PIK3C3: variants seen among roughly 807,000 people sequenced by gnomAD.
PIK3C3 encodes the protein PI3-kinase type 3.
In PIK3C3, 95 loss-of-function variants were observed where a neutral mutation model predicts 126.1. The ratio of observed to expected loss-of-function variants is 0.75; its 90% CI spans 0.64 to 0.89. The LOEUF is 0.89. PIK3C3 is among the 40% of genes least tolerant of loss of function. The probability of loss-of-function intolerance (pLI) is 0.00; values close to 1 mark genes in which losing one functional copy is unlikely to be tolerated. For synonymous variants in PIK3C3, 374 were observed against 360.0 expected (o/e 1.04, Z -0.44); for missense variants, 829 against 1,063.2 (o/e 0.78, Z 3.06).
At chr18:42,033,473 G>GTT (rs780458805) in intron 15 of PIK3C3, among the ~76,000 whole-genome samples, 3 of 152,172 alleles carry the variant, frequency 2.0e-5, no homozygotes, top group Non-Finnish European at 4.4e-5. Context: ...GGAAATTTCA[G>GTT]TTTCTCTCTG....
At chr18:41,968,267 G>A (rs972661866) in intron 3 of PIK3C3, among the ~76,000 whole-genome samples, 1 of 152,156 alleles carries the variant, frequency 6.6e-6, no homozygotes, top group Admixed American at 6.5e-5. Context: ...ATTTCTGAAG[G>A]TACATTTAAG....
rs752953552 is a variant in PIK3C3, at chr18:42,037,779, C to T, written c.1927C>T (p.Gln643Ter). Residue 643 changes from glutamine to a stop codon, truncating the protein, a stop_gained, in exon 17 of 25, where the codon CAA (glutamine) becomes TAA (stop). Transcript: ENST00000262039. LOFTEE classifies it high-confidence loss of function. ...ATTTAAGCATGGAGATGATTTACGT[C>T]AAGATCAACTTATTCTTCAAATCAT... ...VIFKHGDDLR[Q>*]DQLILQIISL... 39 of 1,612,020 alleles carry T rather than the reference C, an allele frequency of 2.4e-5. No homozygotes were observed. Among genetic ancestry groups the T allele is most frequent in the Non-Finnish European group, 3.3e-5 (39 of 1,178,516 alleles).
At chr18:41,990,900 T>C (rs1485696930) in intron 6 of PIK3C3, among the ~76,000 whole-genome samples, 1 of 152,212 alleles carries the variant, frequency 6.6e-6, no homozygotes, top group Non-Finnish European at 1.5e-5. Context: ...ATTATATTTC[T>C]AAGTGGTAGG....
intron 21 of PIK3C3, chr18:42,051,186 G>A (rs1445106030): frequency 6.6e-6 from 1 of 152,204 alleles, no homozygotes; most frequent in African/African-American, 2.4e-5. Context: ...CAGGATGCAA[G>A]TTCCATGAGA....
intron 24 of PIK3C3, among the ~76,000 whole-genome samples, chr18:42,067,979 C>G (rs1253741920): frequency 6.6e-6 from 1 of 152,190 alleles, no homozygotes; most frequent in African/African-American, 2.4e-5. Flanking sequence ...TGGTAAACTT[C>G]AGATTTAAAA....
chr18:42,054,130 A>ATCTATATCTATATATATATC (rs56211042), intron 21 of PIK3C3, among the ~76,000 whole-genome samples: 18 of 8,930 alleles, frequency 2.0e-3, no homozygotes, highest in East Asian at 5.2e-3. Flanking sequence ...CTAATGGTAT[A>ATCTATATCTATATATATATC]TATATATATA....
At chr18:41,996,826 A>C (rs1982048690) in intron 9 of PIK3C3, 96 bp downstream of exon 9, 1 of 684,990 alleles carries the variant, frequency 1.5e-6, no homozygotes, top group Non-Finnish European at 2.5e-6. Context: ...TGTTATTGTC[A>C]CTTTAAAGAA....
chr18:42,055,607 G>T (rs1001545160), intron 21 of PIK3C3, among the ~76,000 whole-genome samples: 1 of 152,138 alleles, frequency 6.6e-6, no homozygotes, highest in African/African-American at 2.4e-5. Context: ...ATTGAAGAGT[G>T]GGAAACTCAC....
At position 41,970,848 on chromosome 18, in the gene PIK3C3, C is replaced by G. The variant is rs528569946; in HGVS notation, c.531+392C>G. The G allele has an allele frequency of 4.0e-4, 100 of 248,524 alleles. 1 individual carries two copies. In the South Asian group the frequency reaches 8.4e-3, roughly 21 times the overall value. The allele number at this position is 248,524 out of a possible 1,614,324, so 15.4% of individuals were successfully genotyped here. A position where few individuals can be genotyped will look rare whatever the true frequency, so the allele number is the denominator to read the frequency against. ...ATAAATGGAATCATTCAGTATGTGA[C>G]CTTATGTCTGGAAATCTGTCAGGTT... is the stretch of plus-strand genomic sequence containing the variant. On this transcript the variant is annotated intron_variant, in intron 4 of 24. Transcript: ENST00000262039.
intron 24 of PIK3C3, among the ~76,000 whole-genome samples, chr18:42,072,747 G>A (rs1985828138): frequency 6.6e-6 from 1 of 152,098 alleles, no homozygotes; most frequent in Non-Finnish European, 1.5e-5. Context: ...TGTTGCCCAA[G>A]CGGTTCTCAA....
chr18:41,995,321 C>A (rs1981974340), intron 7 of PIK3C3, among the ~76,000 whole-genome samples: 1 of 151,980 alleles, frequency 6.6e-6, no homozygotes, highest in African/African-American at 2.4e-5. Context: ...ATGACATAGA[C>A]AATTCACACA....
intron 4 of PIK3C3, among the ~76,000 whole-genome samples, chr18:41,981,629 A>G (rs1981203568): frequency 6.6e-6 from 1 of 152,080 alleles, no homozygotes; most frequent in Non-Finnish European, 1.5e-5. Flanking sequence ...CAAATAAATT[A>G]TTTTATACAA....
At chr18:41,987,749 A>G (rs943444233) in intron 4 of PIK3C3, 63 bp from the exon 5 acceptor site, 12 of 1,043,966 alleles carry the variant, frequency 1.1e-5, no homozygotes, top group Non-Finnish European at 1.8e-5. Context: ...CCATTCTGAC[A>G]TTTTTGGTCC....
chr18:41,994,874 C>G (rs1267903452), intron 7 of PIK3C3, among the ~76,000 whole-genome samples: 1 of 151,784 alleles, frequency 6.6e-6, no homozygotes, highest in Non-Finnish European at 1.5e-5. Flanking sequence ...CCCATCTCTA[C>G]AAAAAAATAA....
chr18:42,018,927 AG>A (rs1983197803), intron 12 of PIK3C3, among the ~76,000 whole-genome samples: 1 of 152,120 alleles, frequency 6.6e-6, no homozygotes, highest in Non-Finnish European at 1.5e-5. Context: ...ACCTCAGATG[AG>A]CACTCACTGC....
intron 24 of PIK3C3, among the ~76,000 whole-genome samples, chr18:42,068,013 A>G (rs918598227): frequency 2.6e-5 from 4 of 152,208 alleles, no homozygotes; most frequent in Non-Finnish European, 4.4e-5. Context: ...TGAATTGCAT[A>G]ATAAGGATGA....
chr18:42,006,228 A>G (rs568610554), intron 10 of PIK3C3, among the ~76,000 whole-genome samples: 18 of 151,234 alleles, frequency 1.2e-4, no homozygotes, highest in African/African-American at 4.1e-4. Flanking sequence ...GAAATGACAC[A>G]TGGGTTGAGG....
intron 24 of PIK3C3, among the ~76,000 whole-genome samples, chr18:42,070,821 G>A (rs187487967): frequency 4.3e-4 from 65 of 152,246 alleles, no homozygotes; most frequent in African/African-American, 1.4e-3. Flanking sequence ...TGAGTTATTG[G>A]CGTGTACCTA....
intron 4 of PIK3C3, chr18:41,984,829 A>G (rs1303856787): frequency 6.6e-6 from 1 of 151,998 alleles, no homozygotes; most frequent in Non-Finnish European, 1.5e-5. Flanking sequence ...TGATAGTCAC[A>G]CTCTTCCACA....
Sources: gnomAD v4.1 joint callset for allele counts (sites outside exome capture counted in the v4.1 genomes callset) on GRCh38, gnomAD v4.1.1 for gene constraint, MANE v1.5 for transcripts, NCBI Gene and HGNC (gene_info 2026-07-23, HGNC 2026-07-21) for gene names.